The following PPARGC1B variants were observed in gnomAD, a reference collection of about 807,000 sequenced individuals.
PPARGC1B encodes PPARG coactivator 1 beta, also known as peroxisome proliferator-activated receptor gamma coactivator 1-beta.
PPARGC1B carries 34 observed loss-of-function variants against 101.6 expected under a neutral mutation model. That is an observed-to-expected ratio of 0.33 (90% CI 0.25 to 0.45). The LOEUF (loss-of-function observed/expected upper bound fraction) is 0.45, where lower values mean the gene tolerates loss of function less well. PPARGC1B is among the 20% of genes least tolerant of loss of function. The pLI is 1.00. For missense variants in PPARGC1B, 1,234 were observed against 1,317.6 expected (o/e 0.94, Z 0.98); for synonymous variants, 548 against 539.3 (o/e 1.02, Z -0.22).
At chr5:149,824,567 G>A (rs771417507) in intron 2 of PPARGC1B, among the ~76,000 whole-genome samples, 3 of 152,166 alleles carry the variant, frequency 2.0e-5, no homozygotes, top group Admixed American at 6.5e-5. Context: ...GGAGGGAAAC[G>A]ACTTGCCTAA....
In PPARGC1B at chr5:149,820,484, C is replaced by T. The variant is rs776495948; in HGVS notation, c.130C>T (p.Leu44Phe). Residue 44 changes from leucine to phenylalanine, a missense_variant, in exon 2 of 12, where the codon CTC (leucine) becomes TTC (phenylalanine). Leu to Phe is a conservative substitution (Grantham distance 22). Around this residue, in one of 3 missense-constraint regions of PPARGC1B, gnomAD observed 734 missense variants for 768.4 expected, o/e 0.96. Transcript: ENST00000309241. ...CTATGCTGACTTTCCAGAACTTGAC[C>T]TCTCCCAGCTGGATGCCAGCGACTT... Reference protein sequence around the residue: ...QLYADFPELDLSQLDASDFDS... With the variant: ...QLYADFPELDFSQLDASDFDS... 5 of 1,614,088 alleles carry T rather than the reference C, an allele frequency of 3.1e-6. No homozygotes were observed. Among genetic ancestry groups the T allele is most frequent in the South Asian group, 2.2e-5 (2 of 91,082 alleles).
intron 1 of PPARGC1B, among the ~76,000 whole-genome samples, chr5:149,770,801 C>T (rs146680200): frequency 0.011 from 1,590 of 150,304 alleles, 13 homozygotes; most frequent in South Asian, 0.031. Flanking sequence ...CACTCCAGCC[C>T]GGACAACAGA....
At chr5:149,840,348 G>A (rs944762539) in intron 9 of PPARGC1B, among the ~76,000 whole-genome samples, 6 of 152,208 alleles carry the variant, frequency 3.9e-5, no homozygotes, top group African/African-American at 1.2e-4. Flanking sequence ...TCAACCAAGA[G>A]ACTGGCCATG....
At chr5:149,842,116 C>G (rs1759366376) in intron 9 of PPARGC1B, 140 bp from the exon 10 acceptor site, 1 of 1,092,180 alleles carries the variant, frequency 9.2e-7, no homozygotes, top group Non-Finnish European at 1.3e-6. Flanking sequence ...TGGCATTGTC[C>G]TCTCTCTGAC....
At position 149,851,956 on chromosome 5, in the gene PPARGC1B, C is replaced by T. The variant is rs26122; in HGVS notation, c.*4398C>T. On this transcript the variant is annotated 3_prime_UTR_variant, in exon 12 of 12. Transcript: ENST00000309241. ...GTCCGTGTTTCTACACTGGAAAATACGAGTCTCCTTTGGCTGTGTGAAGTG... is the reference window on the plus strand; with the variant it reads ...GTCCGTGTTTCTACACTGGAAAATATGAGTCTCCTTTGGCTGTGTGAAGTG... The T allele has an allele frequency of 0.23, 35,526 of 152,170 alleles. 4,226 individuals carry two copies. The highest frequency in any genetic ancestry group is 0.27 in the South Asian group (1,291 of 4,816). The allele number at this position is 152,170 out of a possible 1,614,324, so 9.4% of individuals were successfully genotyped here.
chr5:149,774,436 G>A (rs749017803), intron 1 of PPARGC1B, among the ~76,000 whole-genome samples: 6 of 152,232 alleles, frequency 3.9e-5, no homozygotes, highest in South Asian at 4.1e-4. Context: ...GCAGTGAGCC[G>A]GGCATATAGC....
At chr5:149,795,324 A>G (rs935178160) in intron 1 of PPARGC1B, among the ~76,000 whole-genome samples, 4 of 152,120 alleles carry the variant, frequency 2.6e-5, no homozygotes, top group African/African-American at 4.8e-5. Context: ...CACCTGTAAA[A>G]TGGAGATAAA....
chr5:149,801,378 G>T (rs1268341220), intron 1 of PPARGC1B, among the ~76,000 whole-genome samples: 2 of 152,212 alleles, frequency 1.3e-5, no homozygotes, highest in Non-Finnish European at 2.9e-5. Flanking sequence ...TAGAGTGAAG[G>T]ATGAATAGGA....
intron 3 of PPARGC1B, among the ~76,000 whole-genome samples, chr5:149,827,734 G>C (rs992839115): frequency 2.6e-5 from 4 of 152,208 alleles, no homozygotes; most frequent in African/African-American, 9.7e-5. Context: ...TGCGGAATGT[G>C]GAAATGTGCA....
Position 149,826,759 on chromosome 5 carries a change from C to T in PPARGC1B, c.339C>T (p.Phe113=). 6.2e-7 allele frequency: 1 copy of T among 1,614,036 alleles called. No homozygotes were observed. Among genetic ancestry groups the T allele is most frequent in the Non-Finnish European group, 8.5e-7 (1 of 1,179,902 alleles). The change falls in exon 3 of 12, where the codon TTC becomes TTT. Residue 113 remains phenylalanine, a synonymous_variant. Coordinates refer to ENST00000309241, the MANE Select transcript of PPARGC1B (RefSeq NM_133263.4). ...IPEDDVGLAA[F]PALDGGDALS... is the part of the protein sequence containing the mutation. Reference sequence around the variant, plus strand: ...AAGATGACGTGGGTCTGGCTGCCTTCCCAGCCCTGGATGGTGGAGACGCTC... The same window carrying T: ...AAGATGACGTGGGTCTGGCTGCCTTTCCAGCCCTGGATGGTGGAGACGCTC...
rs77790873 is a variant in PPARGC1B, at chr5:149,773,442, G to C, written c.78+43022G>C. Among the ~76,000 whole-genome samples, 326 of 152,350 alleles carry C rather than the reference G, an allele frequency of 2.1e-3. 6 individuals are homozygous for C. The East Asian group carries it at 0.045, about 21-fold the overall frequency. ...ACAGGGGAAGACACCTGCGGCTCCT[G>C]CTCTGCCCCGTGGGCAGGAGTGGGG... On this transcript the variant is annotated intron_variant, in intron 1 of 11. Coordinates refer to ENST00000309241, the MANE Select transcript of PPARGC1B (RefSeq NM_133263.4).
chr5:149,839,993 T>A, intron 8 of PPARGC1B, 48 bp from the exon 9 acceptor site: 97 of 1,513,500 alleles, frequency 6.4e-5, no homozygotes, highest in Middle Eastern at 1.7e-4. Flanking sequence ...CCCACCCCCA[T>A]GGTATCTCCC....
intron 1 of PPARGC1B, among the ~76,000 whole-genome samples, chr5:149,773,098 A>T (rs1250478705): frequency 2.6e-5 from 4 of 152,130 alleles, no homozygotes; most frequent in African/African-American, 9.7e-5. Flanking sequence ...AGCTCTGCCC[A>T]TGCTTAGAGT....
intron 1 of PPARGC1B, 127 bp from the exon 2 acceptor site, chr5:149,820,306 C>G (rs1196940857): frequency 3.6e-6 from 3 of 841,060 alleles, no homozygotes; most frequent in East Asian, 4.9e-5. Flanking sequence ...CTTTCCATTT[C>G]TTGGTCATTT....
At chr5:149,782,510 G>A (rs1218037821) in intron 1 of PPARGC1B, among the ~76,000 whole-genome samples, 1 of 152,192 alleles carries the variant, frequency 6.6e-6, no homozygotes, top group African/African-American at 2.4e-5. Flanking sequence ...TGGGCCGAGT[G>A]GGCCTGGACG....
chr5:149,753,794 A>G (rs1755406659), intron 1 of PPARGC1B, among the ~76,000 whole-genome samples: 1 of 151,920 alleles, frequency 6.6e-6, no homozygotes, highest in African/African-American at 2.4e-5. Flanking sequence ...CCCCACAACA[A>G]GCAATTCTCC....
intron 1 of PPARGC1B, among the ~76,000 whole-genome samples, chr5:149,787,913 C>T (rs1756871279): frequency 6.6e-6 from 1 of 152,292 alleles, no homozygotes; most frequent in East Asian, 1.9e-4. Context: ...ACACCTTATA[C>T]AAAAATTAAT....
intron 1 of PPARGC1B, among the ~76,000 whole-genome samples, chr5:149,812,552 G>A (rs1264946676): frequency 6.6e-6 from 1 of 152,208 alleles, no homozygotes; most frequent in Non-Finnish European, 1.5e-5. Flanking sequence ...CTGGAGCACA[G>A]GGAATGCCTG....
At chr5:149,844,827 G>A (rs1015654639) in intron 10 of PPARGC1B, among the ~76,000 whole-genome samples, 5 of 152,250 alleles carry the variant, frequency 3.3e-5, no homozygotes, top group African/African-American at 7.2e-5. Context: ...TATGTCAGTC[G>A]GGACTCTTTC....
Sources: gnomAD v4.1 joint callset for allele counts (sites outside exome capture counted in the v4.1 genomes callset) on GRCh38, gnomAD v4.1.1 for gene constraint, gnomAD v4.1.1 regional missense constraint, MANE v1.5 for transcripts, NCBI Gene and HGNC (gene_info 2026-07-23, HGNC 2026-07-21) for gene names.